Variants in ASCC3 observed in about 807,000 individuals in gnomAD.
ASCC3 encodes ASC-1 complex subunit P200.
A neutral mutation model predicts 256.3 loss-of-function variants in ASCC3; 158 were observed. That is an observed-to-expected ratio of 0.62 (90% CI 0.54 to 0.70). ASCC3 has a LOEUF of 0.70. Ranked by LOEUF, ASCC3 falls within the 30% of genes least tolerant of loss-of-function variation. The pLI, the probability that ASCC3 is intolerant of heterozygous loss-of-function variation, is 0.00. For synonymous variants in ASCC3, 948 were observed against 883.4 expected (o/e 1.07, Z -1.30); for missense variants, 2,259 against 2,626.0 (o/e 0.86, Z 3.05).
In ASCC3 at chr6:100,510,171, G is replaced by A. The variant is rs1773694367; in HGVS notation, c.6286-64C>T. ...TAGACTTCCTATACCACTTGGTTGT[G>A]GTTAAGGCTACGTTGTCTTACTTGA... On this transcript the variant is annotated intron_variant, in intron 40 of 41. Transcript: ENST00000369162. 9 of 1,567,202 alleles carry A rather than the reference G, an allele frequency of 5.7e-6. No homozygotes were observed. In the South Asian group the frequency reaches 7.8e-5, roughly 14 times the overall value.
In ASCC3 at chr6:100,540,297, G is replaced by A; in HGVS notation, c.5641C>T (p.Pro1881Ser). ...LAKCLPIESN[P>S]HSFDSPHTKA... is the part of the protein sequence containing the mutation. ...GTGTGAGGGCTGTCAAATGAATGAGGATTTGATTCAATGGGAAGACATTTT... is the reference window on the plus strand; with the variant it reads ...GTGTGAGGGCTGTCAAATGAATGAGAATTTGATTCAATGGGAAGACATTTT... The change falls in exon 37 of 42, where the codon CCT (proline) becomes TCT (serine). Residue 1881 changes from proline (P) to serine (S), a missense_variant. Pro to Ser is a moderately conservative substitution (Grantham distance 74, BLOSUM62 -1). This residue lies in a region of ASCC3 where 1,839 missense variants were observed against 2,206.7 expected (regional missense o/e 0.83). Transcript: ENST00000369162. The A allele has an allele frequency of 6.2e-7, 1 of 1,613,354 alleles. No individual in the cohort carries two copies. The highest frequency in any genetic ancestry group is 8.5e-7 in the Non-Finnish European group (1 of 1,179,862).
In ASCC3 at chr6:100,839,196, G is replaced by A. The variant is rs76464825; in HGVS notation, c.801+8952C>T. Among the ~76,000 whole-genome samples the A allele has an allele frequency of 6.9e-3, 1,052 of 152,152 alleles. 12 individuals carry two copies. Among genetic ancestry groups the A allele is most frequent in the African/African-American group, 0.024 (1,011 of 41,538 alleles). The stretch of plus-strand genomic sequence containing the variant: ...TCCAGCATTCCCTTCTTAAATGTAT[G>A]TATGAAAGATCCAAAAGGAGAGACT... On this transcript the variant is annotated intron_variant, in intron 4 of 41. Transcript: ENST00000369162.
At chr6:100,678,650 A>AT (rs1777144308) in intron 14 of ASCC3, among the ~76,000 whole-genome samples, 1 of 152,044 alleles carries the variant, frequency 6.6e-6, no homozygotes, top group Admixed American at 6.6e-5. Flanking sequence ...TACGTTATAT[A>AT]TATATATAAA....
At chr6:100,827,202 G>C (rs1771357626) in intron 4 of ASCC3, among the ~76,000 whole-genome samples, 1 of 152,142 alleles carries the variant, frequency 6.6e-6, no homozygotes, top group African/African-American at 2.4e-5. Flanking sequence ...TTCACATTTT[G>C]TGTTTTACAT....
chr6:100,696,887 T>C (rs769422580), intron 13 of ASCC3, among the ~76,000 whole-genome samples: 3 of 152,094 alleles, frequency 2.0e-5, no homozygotes, highest in Non-Finnish European at 4.4e-5. Flanking sequence ...GACAATTATA[T>C]ATGTGTATAC....
intron 37 of ASCC3, chr6:100,530,993 G>T: frequency 1.3e-6 from 2 of 1,593,246 alleles, no homozygotes; most frequent in Non-Finnish European, 1.7e-6. Flanking sequence ...TGTTCTTATT[G>T]ATGACTTTGT....
At chr6:100,589,613 T>C (rs754668989) in intron 36 of ASCC3, 21 bp downstream of exon 36, 43 of 1,612,456 alleles carry the variant, frequency 2.7e-5, no homozygotes, top group Non-Finnish European at 3.1e-5. Flanking sequence ...AGAGAAGATA[T>C]GAAATATATG....
intron 13 of ASCC3, among the ~76,000 whole-genome samples, chr6:100,695,733 C>T (rs1485711053): frequency 2.6e-5 from 4 of 152,134 alleles, no homozygotes; most frequent in African/African-American, 4.8e-5. Flanking sequence ...CTTTCTCTCT[C>T]CAGAGGAGAG....
intron 8 of ASCC3, among the ~76,000 whole-genome samples, chr6:100,768,631 A>G (rs1781776831): frequency 1.3e-5 from 2 of 152,160 alleles, no homozygotes; most frequent in Admixed American, 1.3e-4. Flanking sequence ...CACAATTACA[A>G]TCAAAGATTT....
At chr6:100,574,683 ATT>A (rs1770767426) in intron 36 of ASCC3, among the ~76,000 whole-genome samples, 1 of 151,156 alleles carries the variant, frequency 6.6e-6, no homozygotes, top group Non-Finnish European at 1.5e-5. Context: ...ATGAAAAGTA[ATT>A]AAGAAAAAAA....
intron 13 of ASCC3, among the ~76,000 whole-genome samples, chr6:100,692,462 T>A (rs1279721226): frequency 6.6e-6 from 1 of 152,084 alleles, no homozygotes; most frequent in Non-Finnish European, 1.5e-5. Context: ...AGCTTGAACA[T>A]CAACTCCAGT....
At chr6:100,818,748 C>CAAAAAAAAAAAAAA (rs56668191) in intron 4 of ASCC3, among the ~76,000 whole-genome samples, 2 of 58,120 alleles carry the variant, frequency 3.4e-5, no homozygotes, top group African/African-American at 7.8e-5. Flanking sequence ...AGGCAAAAGC[C>CAAAAAAAAAAAAAA]AAAAAAAAAA....
chr6:100,652,914 T>A (rs774769005), intron 17 of ASCC3, 25 bp from the exon 18 acceptor site: 1 of 1,603,564 alleles, frequency 6.2e-7, no homozygotes, highest in Non-Finnish European at 8.5e-7. Context: ...ATATAAACAG[T>A]TGAATAGTGC....
At chr6:100,638,420 T>G (rs1774950452) in intron 25 of ASCC3, among the ~76,000 whole-genome samples, 181 bp downstream of exon 25, 1 of 152,132 alleles carries the variant, frequency 6.6e-6, no homozygotes, top group Non-Finnish European at 1.5e-5. Context: ...TATATTGTGG[T>G]AGTATATAAC....
intron 10 of ASCC3, among the ~76,000 whole-genome samples, chr6:100,732,165 CAAA>C (rs386408063): frequency 1.9e-5 from 2 of 105,120 alleles, no homozygotes. Context: ...CGTCTCAAAA[CAAA>C]AAAAAAAAAA....
At position 100,824,026 on chromosome 6, in the gene ASCC3, C is replaced by T. The variant is rs192041492; in HGVS notation, c.802-18146G>A. Among the ~76,000 whole-genome samples, 435 of 152,040 alleles carry T rather than the reference C, an allele frequency of 2.9e-3. 1 individual carries two copies. The highest frequency in any genetic ancestry group is 0.01 in the Admixed American group (155 of 15,266). On this transcript the variant is annotated intron_variant, in intron 4 of 41. Transcript: ENST00000369162. ...ATTACATTATAAATCCTATAAAAAT[C>T]GGCTTAAAAAAGATATAATGAGCCT...
Position 100,800,332 on chromosome 6 carries a change from C to T in ASCC3, c.1095G>A (p.Met365Ile). 1 of 1,612,948 alleles carries T rather than the reference C, an allele frequency of 6.2e-7. No individual in the cohort carries two copies. Among genetic ancestry groups the T allele is most frequent in the Non-Finnish European group, 8.5e-7 (1 of 1,179,270 alleles). The change falls in exon 6 of 42, where the codon ATG becomes ATA. Residue 365 changes from methionine to isoleucine, a missense_variant. By Grantham distance (10) the Met-to-Ile change is conservative. Transcript: ENST00000369162. ...TCCGCAATTCCTTAGGATCAAAGCA[C>T]ATAAGTCCTTCTGAAACTTCTAAAT... ...GEDLEVSEGLMCFDPKELRIQ... is the reference protein window; with the variant it reads ...GEDLEVSEGLICFDPKELRIQ...
In ASCC3 at chr6:100,675,955, TCA is replaced by T. The variant is rs373879411; in HGVS notation, c.2286+3661_2286+3662del. On this transcript the variant is annotated intron_variant, in intron 14 of 41. Transcript: ENST00000369162. ...GGATTCATTTAACTTAAAATTAAAATCACAGTGAAAAACAATGGCTTAATAAC... is the reference window on the plus strand; with the variant it reads ...GGATTCATTTAACTTAAAATTAAAATCAGTGAAAAACAATGGCTTAATAAC... 7.8e-4 allele frequency among the ~76,000 whole-genome samples: 119 copies of T among 152,254 alleles called. 2 individuals are homozygous for T. The East Asian group carries it at 0.02, about 26-fold the overall frequency.
chr6:100,839,195 T>C (rs1772022030), intron 4 of ASCC3, among the ~76,000 whole-genome samples: 1 of 152,114 alleles, frequency 6.6e-6, no homozygotes, highest in Admixed American at 6.6e-5. Flanking sequence ...CTTAAATGTA[T>C]GTATGAAAGA....
Sources: gnomAD v4.1 joint callset for allele counts (sites outside exome capture counted in the v4.1 genomes callset) on GRCh38, gnomAD v4.1.1 for gene constraint, gnomAD v4.1.1 regional missense constraint, MANE v1.5 for transcripts, NCBI Gene and HGNC (gene_info 2026-07-23, HGNC 2026-07-21) for gene names.